Variants in PRKG1 observed in about 807,000 individuals in gnomAD.
PRKG1 encodes the protein cGMP-dependent protein kinase 1.
A neutral mutation model predicts 88.1 loss-of-function variants in PRKG1; 35 were observed. The observed-to-expected ratio is 0.40, with a 90% CI of 0.30 to 0.53. The LOEUF is 0.53. PRKG1 is among the 20% of genes least tolerant of loss of function. The pLI is 0.59. For synonymous variants in PRKG1, 303 were observed against 292.5 expected (o/e 1.04, Z -0.37); for missense variants, 540 against 839.8 (o/e 0.64, Z 4.41).
At chr10:52,149,579 C>T (rs887485721) in intron 8 of PRKG1, among the ~76,000 whole-genome samples, 5 of 152,072 alleles carry the variant, frequency 3.3e-5, no homozygotes, top group African/African-American at 1.2e-4. Context: ...GGCGCACATG[C>T]AGAGGAAAGG....
chr10:52,166,798 C>CGTAT (rs1564498372), intron 9 of PRKG1, among the ~76,000 whole-genome samples: 1 of 96,772 alleles, frequency 1.0e-5, no homozygotes, highest in African/African-American at 5.6e-5. Context: ...TATATATATA[C>CGTAT]ATATATATAT....
At chr10:51,126,027 T>A (rs1218075887) in intron 1 of PRKG1, among the ~76,000 whole-genome samples, 1 of 124,676 alleles carries the variant, frequency 8.0e-6, no homozygotes, top group Non-Finnish European at 1.6e-5. Context: ...TATTTATATA[T>A]AATTATATCT....
chr10:51,904,180 G>A (rs1403102579), intron 4 of PRKG1, among the ~76,000 whole-genome samples: 9 of 152,040 alleles, frequency 5.9e-5, no homozygotes, highest in Admixed American at 5.9e-4. Flanking sequence ...AAAACAATAG[G>A]TAATGCATCT....
intron 3 of PRKG1, among the ~76,000 whole-genome samples, chr10:51,743,083 C>T (rs1837476420): frequency 6.6e-6 from 1 of 152,084 alleles, no homozygotes; most frequent in African/African-American, 2.4e-5. Context: ...GAAGGATACA[C>T]AGAGACCGGC....
At chr10:51,314,254 A>G (rs1248666525) in intron 2 of PRKG1, among the ~76,000 whole-genome samples, 1 of 152,146 alleles carries the variant, frequency 6.6e-6, no homozygotes, top group Non-Finnish European at 1.5e-5. Context: ...TTAAACTACA[A>G]ACATCCCTCA....
intron 3 of PRKG1, among the ~76,000 whole-genome samples, chr10:51,498,142 C>T (rs947962563): frequency 2.0e-5 from 3 of 152,088 alleles, no homozygotes; most frequent in African/African-American, 7.2e-5. Context: ...AAGCACTGTG[C>T]TGGCAATAAA....
intron 2 of PRKG1, among the ~76,000 whole-genome samples, chr10:51,405,905 T>G (rs755371111): frequency 6.6e-6 from 1 of 152,070 alleles, no homozygotes; most frequent in African/African-American, 2.4e-5. Context: ...CAATGGGACC[T>G]GAAAAGACTA....
chr10:51,906,528 G>A (rs2132944396), intron 4 of PRKG1, among the ~76,000 whole-genome samples: 1 of 152,232 alleles, frequency 6.6e-6, no homozygotes, highest in South Asian at 2.1e-4. Flanking sequence ...GGTCATAGGT[G>A]GATTAGAAGG....
At chr10:52,196,846 T>C (rs1347004542) in intron 9 of PRKG1, among the ~76,000 whole-genome samples, 4 of 152,206 alleles carry the variant, frequency 2.6e-5, no homozygotes, top group Non-Finnish European at 4.4e-5. Flanking sequence ...GTTATTATGA[T>C]AGTGTCATGC....
intron 3 of PRKG1, among the ~76,000 whole-genome samples, chr10:51,571,931 G>A (rs1044394387): frequency 2.6e-5 from 4 of 151,486 alleles, no homozygotes; most frequent in East Asian, 2.0e-4. Context: ...CTTATCTACC[G>A]GAAAGCATAC....
chr10:51,379,431 C>G (rs943367259), intron 2 of PRKG1, among the ~76,000 whole-genome samples: 1 of 152,054 alleles, frequency 6.6e-6, no homozygotes, highest in Non-Finnish European at 1.5e-5. Context: ...GCATAAGAAG[C>G]AAAATATCCA....
At chr10:51,838,832 C>A (rs529331489) in intron 4 of PRKG1, among the ~76,000 whole-genome samples, 3 of 152,194 alleles carry the variant, frequency 2.0e-5, no homozygotes, top group Admixed American at 6.5e-5. Context: ...ATAAAAACAA[C>A]CAAGTTCGTT....
chr10:51,559,682 G>T (rs748382998), intron 3 of PRKG1, among the ~76,000 whole-genome samples: 4 of 151,970 alleles, frequency 2.6e-5, no homozygotes, highest in Non-Finnish European at 4.4e-5. Context: ...ATATTATATT[G>T]TCCTTTGTGA....
chr10:51,451,545 C>T (rs948684933), intron 2 of PRKG1, among the ~76,000 whole-genome samples: 1 of 151,904 alleles, frequency 6.6e-6, no homozygotes, highest in Non-Finnish European at 1.5e-5. Context: ...ATACTAGACA[C>T]ACATAGCTAG....
chr10:51,007,681 C>T (rs920467966), intron 1 of PRKG1, among the ~76,000 whole-genome samples: 48 of 152,170 alleles, frequency 3.2e-4, no homozygotes, highest in African/African-American at 9.9e-4. Flanking sequence ...CCACCTGAAA[C>T]TAACGTTATG....
intron 3 of PRKG1, among the ~76,000 whole-genome samples, chr10:51,508,760 C>T (rs1564527962): frequency 6.6e-6 from 1 of 152,106 alleles, no homozygotes; most frequent in Non-Finnish European, 1.5e-5. Context: ...AAAGCATTGA[C>T]ATTTATTCTT....
chr10:51,392,400 T>C (rs991618509), intron 2 of PRKG1, among the ~76,000 whole-genome samples: 92 of 152,282 alleles, frequency 6.0e-4, no homozygotes, highest in Non-Finnish European at 9.0e-4. Flanking sequence ...TTAATCCATT[T>C]AACCCTGAGT....
intron 4 of PRKG1, among the ~76,000 whole-genome samples, chr10:51,823,614 C>A (rs1440275335): frequency 6.6e-6 from 1 of 151,902 alleles, no homozygotes; most frequent in Non-Finnish European, 1.5e-5. Flanking sequence ...ATGAATTTAT[C>A]TATAAATTTT....
At chr10:51,173,394 G>T (rs1485874257) in intron 2 of PRKG1, among the ~76,000 whole-genome samples, 1 of 149,298 alleles carries the variant, frequency 6.7e-6, no homozygotes, top group African/African-American at 2.5e-5. Flanking sequence ...TTTCAATTAA[G>T]ATCATTAGAG....
Sources: allele counts gnomAD v4.1 joint callset (sites outside exome capture counted in the v4.1 genomes callset), GRCh38; gene constraint gnomAD v4.1.1; transcripts MANE v1.5; gene names NCBI Gene and HGNC (gene_info 2026-07-23, HGNC 2026-07-21).